The following RBPJ variants were observed in gnomAD, a reference collection of about 807,000 sequenced individuals.
RBPJ encodes the protein recombining binding protein suppressor of hairless.
Under a neutral mutation model 67.8 loss-of-function variants are expected in RBPJ, and 9 were observed. That is an observed-to-expected ratio of 0.13 (90% CI 0.08 to 0.23). The LOEUF (loss-of-function observed/expected upper bound fraction) is 0.23, where lower values mean the gene tolerates loss of function less well. Ranked by LOEUF, RBPJ falls within the 10% of genes least tolerant of loss-of-function variation. The pLI is 1.00. For synonymous variants in RBPJ, 198 were observed against 203.3 expected, an observed-to-expected ratio of 0.97 and a Z score of 0.22; for missense variants, 305 against 595.6, an observed-to-expected ratio of 0.51 and a Z score of 5.08.
At chr4:26,405,221 T>TA (rs1733270600) in intron 2 of RBPJ, among the ~76,000 whole-genome samples, 1 of 152,170 alleles carries the variant, frequency 6.6e-6, no homozygotes, top group Non-Finnish European at 1.5e-5. Flanking sequence ...CCAGGCTACT[T>TA]AGTGTGTAAG....
chr4:26,274,410 G>A (rs980252355), intron 1 of RBPJ, among the ~76,000 whole-genome samples: 11 of 152,090 alleles, frequency 7.2e-5, no homozygotes, highest in Admixed American at 3.3e-4. Flanking sequence ...GGAGGACTGC[G>A]TGATCCCAGG....
intron 1 of RBPJ, among the ~76,000 whole-genome samples, chr4:26,298,708 A>C (rs942183224): frequency 2.0e-5 from 3 of 152,222 alleles, no homozygotes; most frequent in African/African-American, 7.2e-5. Flanking sequence ...TTAGCACATT[A>C]GTTTGGTATT....
At chr4:26,185,140 TAAAA>T (rs60842821) in intron 1 of RBPJ, among the ~76,000 whole-genome samples, 2 of 141,286 alleles carry the variant, frequency 1.4e-5, no homozygotes, top group Non-Finnish European at 1.5e-5. Context: ...AGACTCTGTC[TAAAA>T]AAAAAAAAAA....
chr4:26,203,971 G>T (rs912409239), intron 1 of RBPJ, among the ~76,000 whole-genome samples: 13 of 152,126 alleles, frequency 8.5e-5, no homozygotes, highest in African/African-American at 3.1e-4. Context: ...AAGTGACCAG[G>T]GTCTCACTCT....
At chr4:26,348,145 G>A (rs1198200943) in intron 1 of RBPJ, among the ~76,000 whole-genome samples, 5 of 152,018 alleles carry the variant, frequency 3.3e-5, no homozygotes, top group African/African-American at 1.2e-4. Context: ...ATTTTTAGTA[G>A]AGATGGGGTT....
chr4:26,147,070 C>T, the RBPJ span, among the ~76,000 whole-genome samples: 3 of 152,228 alleles, frequency 2.0e-5, no homozygotes, highest in South Asian at 2.1e-4. Flanking sequence ...CTTTCTGAGC[C>T]GAGGTGAGGA....
At chr4:26,212,382 G>A (rs964581866) in intron 1 of RBPJ, among the ~76,000 whole-genome samples, 3 of 150,412 alleles carry the variant, frequency 2.0e-5, no homozygotes, top group Non-Finnish European at 3.0e-5. Context: ...ACAGGCCTCA[G>A]AAAACAGATT....
chr4:26,359,775 C>A (rs897757163), intron 1 of RBPJ: 3 of 150,702 alleles, frequency 2.0e-5, no homozygotes, highest in Admixed American at 2.0e-4. Context: ...CTCGGCGTCC[C>A]GTGAGCACCC....
chr4:26,431,428 CA>C lies in RBPJ; in HGVS notation c.*422del, dbSNP rs1201041071. ...TAAGCTTTAGTAAAAGGTACATTTT[CA>C]CCATACCTTTTTTTATATCACGGTA... On this transcript the variant is annotated 3_prime_UTR_variant, in exon 11 of 11. Coordinates refer to ENST00000355476, the MANE Select transcript of RBPJ (RefSeq NM_015874.6). 2.5e-5 allele frequency: 4 copies of C among 162,682 alleles called. No individual in the cohort carries two copies. Among genetic ancestry groups the C allele is most frequent in the Non-Finnish European group, 5.4e-5 (4 of 74,316 alleles). The allele number at this position is 162,682 out of a possible 1,614,324, so 10.1% of individuals were successfully genotyped here. A position where few individuals can be genotyped will look rare whatever the true frequency, so the allele number is the denominator to read the frequency against.
At chr4:26,375,440 A>G (rs1729621807) in intron 1 of RBPJ, among the ~76,000 whole-genome samples, 1 of 152,158 alleles carries the variant, frequency 6.6e-6, no homozygotes, top group African/African-American at 2.4e-5. Context: ...ATCTGTTCCA[A>G]GTGTCTAGTG....
intron 4 of RBPJ, 31 bp from the exon 5 acceptor site, chr4:26,420,520 C>CT (rs1560341888): frequency 6.6e-7 from 1 of 1,516,912 alleles, no homozygotes. Flanking sequence ...CAAGGTTTTG[C>CT]TGCTGTTAAA....
chr4:26,130,616 C>T, the RBPJ span, among the ~76,000 whole-genome samples: 80 of 152,256 alleles, frequency 5.3e-4, 1 homozygote, highest in African/African-American at 1.4e-3. Flanking sequence ...TCCACATTCA[C>T]GACTCCCATT....
intron 1 of RBPJ, among the ~76,000 whole-genome samples, chr4:26,284,955 C>G (rs1270482327): frequency 6.6e-6 from 1 of 151,986 alleles, no homozygotes; most frequent in Non-Finnish European, 1.5e-5. Context: ...CTCCCGGGTT[C>G]AAGTGATTTT....
At chr4:26,414,862 C>T (rs1000360353) in intron 3 of RBPJ, among the ~76,000 whole-genome samples, 5 of 152,260 alleles carry the variant, frequency 3.3e-5, no homozygotes, top group African/African-American at 4.8e-5. Context: ...ATATCTACAG[C>T]GCACCAGGTG....
chr4:26,265,961 G>A (rs1179773654), intron 1 of RBPJ, among the ~76,000 whole-genome samples: 1 of 152,100 alleles, frequency 6.6e-6, no homozygotes, highest in African/African-American at 2.4e-5. Flanking sequence ...GCCTAAAACT[G>A]GGAGGCAGAG....
chr4:26,399,247 C>T (rs1247101103), intron 2 of RBPJ, among the ~76,000 whole-genome samples: 2 of 152,162 alleles, frequency 1.3e-5, no homozygotes, highest in Non-Finnish European at 2.9e-5. Context: ...CTAATTAAGC[C>T]GTTCCATTTA....
chr4:26,285,493 G>A (rs1006333929), intron 1 of RBPJ, among the ~76,000 whole-genome samples: 2 of 151,614 alleles, frequency 1.3e-5, no homozygotes, highest in African/African-American at 4.9e-5. Context: ...TCATTTCAAA[G>A]AGTCTCCTCC....
At position 26,307,169 on chromosome 4, in the gene RBPJ, C is replaced by T. The variant is rs145673122; in HGVS notation, c.-166-55277C>T. ...TCTGTAAAAACAGGAATAAAATTAC[C>T]AACTGTCAGCATTGTCCTGAGGACT... On this transcript the variant is annotated intron_variant, in intron 1 of 4. Coordinates refer to the RBPJ transcript ENST00000512351. Among the ~76,000 whole-genome samples the T allele has an allele frequency of 5.9e-5, 9 of 152,190 alleles. No homozygotes were observed. The East Asian group carries it at 9.6e-4, about 16-fold the overall frequency.
chr4:26,134,246 G>C, the RBPJ span, among the ~76,000 whole-genome samples: 144,014 of 152,260 alleles, frequency 0.95, 68,647 homozygotes, highest in East Asian at 1. Context: ...GATACCAAAC[G>C]CCTTTTCACA....
Sources: gnomAD v4.1 joint callset for allele counts (sites outside exome capture counted in the v4.1 genomes callset) on GRCh38, gnomAD v4.1.1 for gene constraint, MANE v1.5 for transcripts, NCBI Gene and HGNC (gene_info 2026-07-23, HGNC 2026-07-21) for gene names.